Variants in FUT8 observed in about 807,000 individuals in gnomAD.
FUT8 encodes fucosyltransferase 8, also known as alpha-(1,6)-fucosyltransferase.
In FUT8, 29 loss-of-function variants were observed where a neutral mutation model predicts 71.3. That is an observed-to-expected ratio of 0.41 (90% CI 0.30 to 0.55). The LOEUF is 0.55. Ranked by LOEUF, FUT8 falls within the 20% of genes least tolerant of loss-of-function variation. The pLI, the probability that FUT8 is intolerant of heterozygous loss-of-function variation, is 0.34. For missense variants in FUT8, 544 were observed against 702.1 expected (o/e 0.77, Z 2.55); for synonymous variants, 254 against 239.3 (o/e 1.06, Z -0.57).
At chr14:65,437,659 C>T (rs1045230267) in intron 1 of FUT8, among the ~76,000 whole-genome samples, 2 of 152,112 alleles carry the variant, frequency 1.3e-5, no homozygotes, top group Admixed American at 6.5e-5. Flanking sequence ...TATTTGAGGT[C>T]CCAGAGTATT....
At chr14:65,682,385 G>A (rs149805405) in intron 7 of FUT8, among the ~76,000 whole-genome samples, 1 of 152,188 alleles carries the variant, frequency 6.6e-6, no homozygotes, top group East Asian at 1.9e-4. Flanking sequence ...GCACATGCCT[G>A]TAGTCCCAGC....
intron 2 of FUT8, among the ~76,000 whole-genome samples, chr14:65,484,166 AC>A (rs2066374298): frequency 6.6e-6 from 1 of 152,212 alleles, no homozygotes; most frequent in African/African-American, 2.4e-5. Flanking sequence ...TTCTGCATAG[AC>A]AAAGCATGTC....
At chr14:65,540,160 A>G (rs1411983614) in intron 2 of FUT8, among the ~76,000 whole-genome samples, 1 of 152,188 alleles carries the variant, frequency 6.6e-6, no homozygotes, top group Admixed American at 6.5e-5. Flanking sequence ...ACTTTTCTCA[A>G]CATCAGTAGT....
intron 6 of FUT8, among the ~76,000 whole-genome samples, chr14:65,661,889 G>A (rs1264973914): frequency 6.6e-6 from 1 of 152,164 alleles, no homozygotes; most frequent in Non-Finnish European, 1.5e-5. Context: ...TTTAACCTAA[G>A]TAAAATATCT....
intron 3 of FUT8, among the ~76,000 whole-genome samples, chr14:65,605,063 T>G (rs1284993910): frequency 6.6e-6 from 1 of 152,000 alleles, no homozygotes; most frequent in African/African-American, 2.4e-5. Flanking sequence ...GTAGGTATAC[T>G]TTGTTCATTT....
At chr14:65,594,429 G>A (rs1480944434) in intron 3 of FUT8, among the ~76,000 whole-genome samples, 1 of 152,188 alleles carries the variant, frequency 6.6e-6, no homozygotes, top group African/African-American at 2.4e-5. Context: ...AAGGCCCCAG[G>A]GGGTATGTTG....
chr14:65,729,852 A>G (rs1895884798), intron 9 of FUT8, among the ~76,000 whole-genome samples: 1 of 152,034 alleles, frequency 6.6e-6, no homozygotes, highest in African/African-American at 2.4e-5. Context: ...CCAGGCAGCA[A>G]TTTTCTCCAT....
chr14:65,515,019 C>T (rs1404622644), intron 2 of FUT8, among the ~76,000 whole-genome samples: 1 of 152,180 alleles, frequency 6.6e-6, no homozygotes, highest in Non-Finnish European at 1.5e-5. Context: ...TCAGTGGTTA[C>T]TTGGTTGTGG....
Position 65,455,656 on chromosome 14 carries a change from A to C in FUT8, c.-290A>C. Reference sequence around the variant, plus strand: ...TTGCTCAGAGGACATCCATGACCCTAATGGTCTTTTTGTTCAAGATAAAGT... The same window carrying C: ...TTGCTCAGAGGACATCCATGACCCTCATGGTCTTTTTGTTCAAGATAAAGT... On this transcript the variant is annotated 5_prime_UTR_variant, in exon 2 of 11. Transcript: ENST00000673929. 2.5e-6 allele frequency: 1 copy of C among 398,374 alleles called. No individual in the cohort carries two copies. Among genetic ancestry groups the C allele is most frequent in the Non-Finnish European group, 4.4e-6 (1 of 225,936 alleles). 24.7% of individuals were successfully genotyped at this position (398,374 alleles called of 1,614,324 possible).
At chr14:65,642,602 CAAAAAAAA>C (rs71126774) in intron 6 of FUT8, among the ~76,000 whole-genome samples, 11 of 95,662 alleles carry the variant, frequency 1.1e-4, no homozygotes, top group South Asian at 7.4e-4. Context: ...GACTCCGTCT[CAAAAAAAA>C]AAAAAAAAAA....
At position 65,643,664 on chromosome 14, in the gene FUT8, ATACAC is replaced by A. The variant is rs1406712665; in HGVS notation, c.597+14059_597+14063del. On this transcript the variant is annotated intron_variant, in intron 6 of 10. Coordinates refer to ENST00000673929, the MANE Select transcript of FUT8 (RefSeq NM_001371533.1). The surrounding 1 kb of genome is among the most constrained non-coding windows in gnomAD (Gnocchi z 4.5). ...GCGAGACTCCGTCTTTAAAAAAAAA[ATACAC>A]ACACACACACACACACACACACACA... Among the ~76,000 whole-genome samples the A allele has an allele frequency of 7.4e-4, 61 of 82,436 alleles. 2 individuals are homozygous for A. The South Asian group carries it at 0.019, about 26-fold the overall frequency. 54.1% of individuals were successfully genotyped at this position (82,436 alleles called of 152,430 possible). A position where few individuals can be genotyped will look rare whatever the true frequency, so the allele number is the denominator to read the frequency against.
intron 2 of FUT8, among the ~76,000 whole-genome samples, chr14:65,520,644 T>C (rs1883019037): frequency 6.6e-6 from 1 of 152,054 alleles, no homozygotes. Context: ...CACAAGATCA[T>C]TTTAGTGTAG....
At chr14:65,611,253 A>AAGTAATAGCCTTGATTTTG (rs1888943769) in intron 3 of FUT8, among the ~76,000 whole-genome samples, 1 of 64,050 alleles carries the variant, frequency 1.6e-5, no homozygotes, top group African/African-American at 9.7e-5. Flanking sequence ...ACACACACAC[A>AAGTAATAGCCTTGATTTTG]CACACACACA....
At chr14:65,615,950 T>C (rs1228161811) in intron 3 of FUT8, 28 bp from the exon 4 acceptor site, 9 of 1,488,422 alleles carry the variant, frequency 6.0e-6, no homozygotes, top group Non-Finnish European at 7.4e-6. Flanking sequence ...GAAAGCTAAA[T>C]GTTTACATTA....
intron 2 of FUT8, among the ~76,000 whole-genome samples, chr14:65,466,521 G>A (rs1474049701): frequency 2.6e-5 from 4 of 152,124 alleles, no homozygotes; most frequent in Admixed American, 6.5e-5. Context: ...AGGCCAAGGC[G>A]GGTGGATCAC....
At chr14:65,518,038 A>G (rs1468909223) in intron 2 of FUT8, among the ~76,000 whole-genome samples, 2 of 152,178 alleles carry the variant, frequency 1.3e-5, no homozygotes, top group African/African-American at 2.4e-5. Flanking sequence ...CTTCTCTTTC[A>G]GAGTACTTTT....
intron 1 of FUT8, among the ~76,000 whole-genome samples, chr14:65,439,737 C>T (rs1215471395): frequency 2.0e-5 from 3 of 151,488 alleles, no homozygotes; most frequent in Non-Finnish European, 4.4e-5. Context: ...CCTTAAACAC[C>T]AATAGCAACA....
At chr14:65,433,903 G>A (rs890741010) in intron 1 of FUT8, among the ~76,000 whole-genome samples, 9 of 151,802 alleles carry the variant, frequency 5.9e-5, no homozygotes, top group East Asian at 1.9e-4. Flanking sequence ...GCCTCAAGCC[G>A]TCCTCCTGCT....
At chr14:65,429,984 C>CT in intron 1 of FUT8, among the ~76,000 whole-genome samples, 1 of 150,438 alleles carries the variant, frequency 6.6e-6, no homozygotes. Context: ...GTAGAACTCT[C>CT]TGAGGTGACT....
Sources: gnomAD v4.1 joint callset for allele counts (sites outside exome capture counted in the v4.1 genomes callset) on GRCh38, gnomAD v4.1.1 for gene constraint, Gnocchi (gnomAD v3.1) non-coding constraint, MANE v1.5 for transcripts, NCBI Gene and HGNC (gene_info 2026-07-23, HGNC 2026-07-21) for gene names.